CADM1: variants seen among roughly 807,000 people sequenced by gnomAD.
The protein encoded by CADM1 is cell adhesion molecule 1, also known as TSLC-1.
In CADM1, 15 loss-of-function variants were observed where a neutral mutation model predicts 53.1. The ratio of observed to expected loss-of-function variants is 0.28; its 90% CI spans 0.19 to 0.44. The LOEUF (loss-of-function observed/expected upper bound fraction) is 0.44, where lower values mean the gene tolerates loss of function less well. Among genes scored for constraint, CADM1 ranks in the 20% least tolerant of loss-of-function variants. CADM1 has a pLI of 1.00. For synonymous variants in CADM1, 281 were observed against 243.0 expected (o/e 1.16, Z -1.45); for missense variants, 434 against 611.3 (o/e 0.71, Z 3.06).
intron 1 of CADM1, among the ~76,000 whole-genome samples, chr11:115,503,454 G>C (rs1949777297): frequency 6.6e-6 from 1 of 152,178 alleles, no homozygotes; most frequent in Non-Finnish European, 1.5e-5. Flanking sequence ...GCCGCCGAAA[G>C]AACGGGCAGC....
intron 1 of CADM1, among the ~76,000 whole-genome samples, chr11:115,489,095 C>T (rs1197888211): frequency 2.6e-5 from 4 of 152,138 alleles, no homozygotes; most frequent in South Asian, 2.1e-4. Context: ...TCTAAAGTGA[C>T]GATATAGCCT....
At chr11:115,198,277 ATAG>A (rs1940256908) in intron 9 of CADM1, 126 bp downstream of exon 9, 5 of 671,536 alleles carry the variant, frequency 7.4e-6, no homozygotes, top group South Asian at 7.3e-5. Context: ...TTAAAAAATT[ATAG>A]TATATTTATG....
chr11:115,308,813 T>C (rs1364224740), intron 1 of CADM1, among the ~76,000 whole-genome samples: 3 of 138,848 alleles, frequency 2.2e-5, no homozygotes, highest in Admixed American at 7.2e-5. Context: ...CTCCCTCCCT[T>C]CCTTCCATCC....
chr11:115,473,865 C>T (rs1291284793), intron 1 of CADM1, among the ~76,000 whole-genome samples: 1 of 151,934 alleles, frequency 6.6e-6, no homozygotes, highest in South Asian at 2.1e-4. Context: ...TAAGAACCAG[C>T]AAAAGACACT....
At chr11:115,441,886 A>AC (rs1310747927) in intron 1 of CADM1, among the ~76,000 whole-genome samples, 10 of 152,164 alleles carry the variant, frequency 6.6e-5, no homozygotes, top group African/African-American at 2.4e-4. Flanking sequence ...AACAAAAAAA[A>AC]CCCATGATAG....
chr11:115,440,760 C>T (rs969416911), intron 1 of CADM1, among the ~76,000 whole-genome samples: 1 of 152,114 alleles, frequency 6.6e-6, no homozygotes, highest in African/African-American at 2.4e-5. Flanking sequence ...GATACTCAGT[C>T]GCTTTGGCTT....
intron 1 of CADM1, among the ~76,000 whole-genome samples, chr11:115,327,839 A>G (rs995305756): frequency 1.5e-4 from 23 of 152,174 alleles, no homozygotes; most frequent in African/African-American, 4.3e-4. Flanking sequence ...CATTGTAAGT[A>G]CTCAATAAAT....
intron 1 of CADM1, among the ~76,000 whole-genome samples, chr11:115,470,186 T>C (rs1156701038): frequency 6.6e-6 from 1 of 152,256 alleles, no homozygotes; most frequent in East Asian, 1.9e-4. Context: ...TAGCTGCTAT[T>C]ATAATGATTA....
chr11:115,260,649 GCTT>G (rs1648096691), intron 1 of CADM1, among the ~76,000 whole-genome samples: 1 of 152,022 alleles, frequency 6.6e-6, no homozygotes, highest in Non-Finnish European at 1.5e-5. Flanking sequence ...ATTCCTAAGT[GCTT>G]TTTTTAAATT....
intron 1 of CADM1, among the ~76,000 whole-genome samples, chr11:115,443,223 T>A (rs1177231120): frequency 6.6e-6 from 1 of 152,178 alleles, no homozygotes; most frequent in East Asian, 1.9e-4. Flanking sequence ...TGTACATAGA[T>A]CTACACAGCT....
intron 1 of CADM1, among the ~76,000 whole-genome samples, chr11:115,442,642 C>T (rs149676661): frequency 5.5e-4 from 84 of 152,236 alleles, no homozygotes; most frequent in African/African-American, 1.9e-3. Context: ...GGGAAAGAAA[C>T]TAGGAAAACC....
intron 1 of CADM1, chr11:115,340,181 T>G (rs1214679921): frequency 6.6e-6 from 1 of 152,170 alleles, no homozygotes; most frequent in Admixed American, 6.6e-5. Context: ...CTGAAAAACC[T>G]GAGCATAATG....
At position 115,173,121 on chromosome 11, in the gene CADM1, G is replaced by A. The variant is rs1938855150; in HGVS notation, c.*3353C>T. On this transcript the variant is annotated 3_prime_UTR_variant, in exon 12 of 12. Coordinates refer to ENST00000331581, the MANE Select transcript of CADM1 (RefSeq NM_001301043.2). ...CAATCTTCTGCAGGCAGCCAAGCCA[G>A]TCCTCCACAGCTCACGTCTTCTTTT... is the stretch of plus-strand genomic sequence containing the variant. The A allele has an allele frequency of 6.6e-6, 1 of 152,324 alleles. No homozygotes were observed. Among genetic ancestry groups the A allele is most frequent in the South Asian group, 2.1e-4 (1 of 4,830 alleles). The allele number at this position is 152,324 out of a possible 1,614,324, so 9.4% of individuals were successfully genotyped here. A position where few individuals can be genotyped will look rare whatever the true frequency, so the allele number is the denominator to read the frequency against.
chr11:115,440,389 C>G (rs1321862964), intron 1 of CADM1, among the ~76,000 whole-genome samples: 1 of 152,224 alleles, frequency 6.6e-6, no homozygotes, highest in Non-Finnish European at 1.5e-5. Context: ...TTCCCAATCT[C>G]CAGCATTGTG....
intron 1 of CADM1, among the ~76,000 whole-genome samples, chr11:115,251,792 T>C (rs1261858426): frequency 6.6e-6 from 1 of 152,228 alleles, no homozygotes; most frequent in Non-Finnish European, 1.5e-5. Context: ...TGGTCCCAGC[T>C]CAACCTGGGA....
chr11:115,447,936 G>A (rs529448618), intron 1 of CADM1, among the ~76,000 whole-genome samples: 1 of 152,240 alleles, frequency 6.6e-6, no homozygotes, highest in African/African-American at 2.4e-5. Flanking sequence ...ACAGGGTAAT[G>A]GTTGCTCATT....
At chr11:115,341,557 A>C (rs1050835264) in intron 1 of CADM1, among the ~76,000 whole-genome samples, 1 of 152,226 alleles carries the variant, frequency 6.6e-6, no homozygotes, top group Non-Finnish European at 1.5e-5. Flanking sequence ...TAAGATAACA[A>C]AGTTTACAAA....
intron 7 of CADM1, 104 bp from the exon 8 acceptor site, chr11:115,209,761 G>T: frequency 7.1e-7 from 1 of 1,410,310 alleles, no homozygotes; most frequent in Non-Finnish European, 9.7e-7. Context: ...TTGTTTGATG[G>T]CTTCCCCCTT....
At chr11:115,186,357 A>G (rs1418289132) in intron 10 of CADM1, among the ~76,000 whole-genome samples, 1 of 152,166 alleles carries the variant, frequency 6.6e-6, no homozygotes, top group East Asian at 1.9e-4. Flanking sequence ...TGCTGGGAAA[A>G]AAAATCTTCC....
Sources: gnomAD v4.1 joint callset for allele counts (sites outside exome capture counted in the v4.1 genomes callset) on GRCh38, gnomAD v4.1.1 for gene constraint, MANE v1.5 for transcripts, NCBI Gene and HGNC (gene_info 2026-07-23, HGNC 2026-07-21) for gene names.